Variants in CSGALNACT1 observed in about 807,000 individuals in gnomAD.
CSGALNACT1 encodes the protein chondroitin sulfate N-acetylgalactosaminyltransferase 1.
Under a neutral mutation model 51.0 loss-of-function variants are expected in CSGALNACT1, and 52 were observed. That is an observed-to-expected ratio of 1.02 (90% CI 0.82 to 1.29). The LOEUF (loss-of-function observed/expected upper bound fraction) is 1.29. Ranked by LOEUF, CSGALNACT1 falls within the 50% of genes most tolerant of loss-of-function variation. The pLI is 0.00. For synonymous variants in CSGALNACT1, 341 were observed against 254.4 expected (o/e 1.34, Z -3.24); for missense variants, 935 against 679.2 (o/e 1.38, Z -4.19).
chr8:19,547,415 A>C (rs2086721383), intron 3 of CSGALNACT1, among the ~76,000 whole-genome samples: 1 of 143,928 alleles, frequency 6.9e-6, no homozygotes, highest in African/African-American at 2.6e-5. Context: ...TGTGGGAGAG[A>C]CCCAGTGGGA....
At chr8:19,628,744 G>T (rs139042871) in intron 1 of CSGALNACT1, among the ~76,000 whole-genome samples, 3 of 151,868 alleles carry the variant, frequency 2.0e-5, no homozygotes, top group African/African-American at 7.2e-5. Flanking sequence ...GTCTCCCAAA[G>T]TGCTGGGATT....
chr8:19,682,680 G>C (rs1327225965), upstream of CSGALNACT1: 2 of 453,970 alleles, frequency 4.4e-6, no homozygotes, highest in Admixed American at 2.4e-5. Context: ...ATTGACACAA[G>C]TCTTGGGTTA....
At chr8:19,510,121 C>G (rs1194347707) in intron 3 of CSGALNACT1, among the ~76,000 whole-genome samples, 1 of 152,086 alleles carries the variant, frequency 6.6e-6, no homozygotes, top group African/African-American at 2.4e-5. Context: ...AAATGTTCAT[C>G]CTTACTAATT....
chr8:19,725,165 T>C (rs928659190), intron 1 of CSGALNACT1, among the ~76,000 whole-genome samples: 4 of 152,176 alleles, frequency 2.6e-5, no homozygotes, highest in African/African-American at 9.7e-5. Context: ...ACACTATGGA[T>C]AACTGTCCAT....
intron 1 of CSGALNACT1, among the ~76,000 whole-genome samples, chr8:19,679,348 G>C (rs1256506772): frequency 6.6e-6 from 1 of 152,010 alleles, no homozygotes; most frequent in African/African-American, 2.4e-5. Context: ...CCAGCTACTT[G>C]GGAGGCTGAG....
chr8:19,467,624 T>C (rs1325902783), intron 4 of CSGALNACT1, among the ~76,000 whole-genome samples: 1 of 152,038 alleles, frequency 6.6e-6, no homozygotes. Flanking sequence ...ATGACCTGGT[T>C]AGTTTTTTTT....
At chr8:19,549,656 C>CTT (rs542956513) in intron 3 of CSGALNACT1, among the ~76,000 whole-genome samples, 18,391 of 82,852 alleles carry the variant, frequency 0.22, 2,053 homozygotes, top group Non-Finnish European at 0.28. Context: ...CAATTTCCTA[C>CTT]TTTTTTTTTT....
At chr8:19,443,527 G>A (rs779447083) in intron 5 of CSGALNACT1, among the ~76,000 whole-genome samples, 4 of 152,134 alleles carry the variant, frequency 2.6e-5, no homozygotes, top group Non-Finnish European at 5.9e-5. Flanking sequence ...GGCAAAGGAG[G>A]ATCAAAGGCA....
At chr8:19,729,787 T>C (rs1280255103) in intron 1 of CSGALNACT1, among the ~76,000 whole-genome samples, 1 of 151,968 alleles carries the variant, frequency 6.6e-6, no homozygotes, top group African/African-American at 2.4e-5. Flanking sequence ...GGTGGTCCCA[T>C]ATGACCTTGA....
intron 3 of CSGALNACT1, among the ~76,000 whole-genome samples, chr8:19,512,988 C>G (rs975550401): frequency 6.6e-6 from 1 of 152,158 alleles, no homozygotes; most frequent in Non-Finnish European, 1.5e-5. Flanking sequence ...CAGTCATTGT[C>G]TTTGCAGCCA....
chr8:19,657,840 A>T (rs1341324526), intron 1 of CSGALNACT1, among the ~76,000 whole-genome samples: 1 of 152,092 alleles, frequency 6.6e-6, no homozygotes, highest in Non-Finnish European at 1.5e-5. Context: ...TCCACTGGGA[A>T]AATAAGTGGA....
At position 19,506,734 on chromosome 8, in the gene CSGALNACT1, T is replaced by C. The variant is rs116375278; in HGVS notation, c.-296-604A>G. On this transcript the variant is annotated intron_variant, in intron 3 of 9. Transcript: ENST00000454498. The stretch of plus-strand genomic sequence containing the variant: ...AAGAGCCTGGCTCTTTGTCTCTCTC[T>C]ATCCCCACTCCCTCCTGCTCCCACC... 5.7e-3 allele frequency among the ~76,000 whole-genome samples: 872 copies of C among 152,220 alleles called. 9 individuals are homozygous for C. Among genetic ancestry groups the C allele is most frequent in the African/African-American group, 0.02 (843 of 41,550 alleles).
intron 3 of CSGALNACT1, among the ~76,000 whole-genome samples, chr8:19,571,446 A>G (rs1176632421): frequency 1.7e-4 from 25 of 151,316 alleles, no homozygotes; most frequent in Non-Finnish European, 8.8e-5. Flanking sequence ...AATTAAGAGT[A>G]GCCCCCCACC....
chr8:19,469,324 G>C (rs147992016), intron 4 of CSGALNACT1, among the ~76,000 whole-genome samples: 2 of 152,158 alleles, frequency 1.3e-5, no homozygotes, highest in African/African-American at 4.8e-5. Flanking sequence ...CCAGGAGATC[G>C]AGGCTACAGT....
In CSGALNACT1 at chr8:19,732,658, A is replaced by G. The variant is rs537394352; in HGVS notation, c.-297+25192T>C. 6.6e-5 allele frequency: 10 copies of G among 152,378 alleles called. No homozygotes were observed. In the South Asian group the frequency reaches 1.9e-3, roughly 28 times the overall value. 9.4% of individuals were successfully genotyped at this position (152,378 alleles called of 1,614,324 possible). A position where few individuals can be genotyped will look rare whatever the true frequency, so the allele number is the denominator to read the frequency against. ...TATGAGTTAAAACAACATACAGAGA[A>G]GTGAGAAGTATCCACAGACACTTTA... On this transcript the variant is annotated intron_variant, in intron 1 of 1. Coordinates refer to the CSGALNACT1 transcript ENST00000517494.
chr8:19,689,028 G>A (rs1050389150), intron 1 of CSGALNACT1: 1 of 152,190 alleles, frequency 6.6e-6, no homozygotes, highest in Non-Finnish European at 1.5e-5. Context: ...TTTGGCTAGG[G>A]TAAATGTTAA....
At chr8:19,531,396 G>T (rs944536971) in intron 3 of CSGALNACT1, among the ~76,000 whole-genome samples, 5 of 152,210 alleles carry the variant, frequency 3.3e-5, no homozygotes, top group Non-Finnish European at 5.9e-5. Flanking sequence ...TAAAGAAATT[G>T]CAGGGCAGGA....
At chr8:19,518,510 G>C (rs1294192215) in intron 3 of CSGALNACT1, among the ~76,000 whole-genome samples, 3 of 152,122 alleles carry the variant, frequency 2.0e-5, no homozygotes, top group Non-Finnish European at 4.4e-5. Context: ...ACCAATCTGT[G>C]AGCCCTATGT....
At chr8:19,635,659 G>A (rs1347847784) in intron 1 of CSGALNACT1, among the ~76,000 whole-genome samples, 4 of 152,184 alleles carry the variant, frequency 2.6e-5, no homozygotes, top group Non-Finnish European at 2.9e-5. Context: ...AAGGAGGGAT[G>A]GGCAGAGGGA....
Sources: gnomAD v4.1 joint callset for allele counts (sites outside exome capture counted in the v4.1 genomes callset) on GRCh38, gnomAD v4.1.1 for gene constraint, MANE v1.5 for transcripts, NCBI Gene and HGNC (gene_info 2026-07-23, HGNC 2026-07-21) for gene names.